Variants in EPG5 observed in about 807,000 individuals in gnomAD.
EPG5 encodes ectopic P-granules 5 autophagy tethering factor.
In EPG5, 159 loss-of-function variants were observed where a neutral mutation model predicts 302.7. The observed-to-expected ratio is 0.53, with a 90% CI of 0.46 to 0.60. The LOEUF (loss-of-function observed/expected upper bound fraction) is 0.60, where lower values mean the gene tolerates loss of function less well. Ranked by LOEUF, EPG5 falls within the 20% of genes least tolerant of loss-of-function variation. The probability of loss-of-function intolerance (pLI) is 0.00; values close to 1 mark genes in which losing one functional copy is unlikely to be tolerated. For synonymous variants in EPG5, 1,158 were observed against 1,136.8 expected (o/e 1.02, Z -0.37); for missense variants, 2,896 against 3,092.4 (o/e 0.94, Z 1.51).
intron 12 of EPG5, 38 bp from the exon 13 acceptor site, chr18:45,929,047 A>G (rs2050342002): frequency 1.3e-6 from 2 of 1,597,294 alleles, no homozygotes; most frequent in East Asian, 2.2e-5. Flanking sequence ...GGCACTTTTA[A>G]TATCAATTAG....
the EPG5 span, chr18:45,838,965 C>CGCTCCG: frequency 1.2e-6 from 2 of 1,603,956 alleles, no homozygotes; most frequent in South Asian, 2.2e-5. Flanking sequence ...GCTCCGAGGC[C>CGCTCCG]AGCGTCTACC....
intron 31 of EPG5, among the ~76,000 whole-genome samples, 196 bp downstream of exon 31, chr18:45,882,078 T>C (rs1002407512): frequency 6.6e-6 from 1 of 152,340 alleles, no homozygotes; most frequent in South Asian, 2.1e-4. Flanking sequence ...TTCTCAAATT[T>C]AGAACAATAA....
At chr18:45,895,957 A>G (rs2049461677) in intron 27 of EPG5, among the ~76,000 whole-genome samples, 1 of 152,228 alleles carries the variant, frequency 6.6e-6, no homozygotes, top group Admixed American at 6.5e-5. Context: ...TTTAAGTACA[A>G]TCTTTGGCCA....
rs762904160 is a variant in EPG5, at chr18:45,879,067, T to C, written c.5815A>G (p.Ile1939Val). Residue 1939 changes from isoleucine to valine, a missense_variant, in exon 33 of 44, where the codon ATT becomes GTT. Around this residue, in one of 5 missense-constraint regions of EPG5, gnomAD observed 790 missense variants for 798.0 expected, o/e 0.99. Coordinates refer to ENST00000282041, the MANE Select transcript of EPG5 (RefSeq NM_020964.3). ...GCCAAACAGGTCATTTCTAAGTCAA[T>C]CAGCCTTTTCACAAGGTAGCCCAAG... ...TFLGYLVKRL[I>V]DLEMTCLAQD... 1 of 1,614,160 alleles carries C rather than the reference T, an allele frequency of 6.2e-7. No homozygotes were observed. The highest frequency in any genetic ancestry group is 1.7e-5 in the Admixed American group (1 of 60,020).
intron 14 of EPG5, 54 bp downstream of exon 14, chr18:45,925,684 T>C: frequency 7.5e-7 from 1 of 1,339,548 alleles, no homozygotes; most frequent in Non-Finnish European, 9.8e-7. Context: ...AATCCTTCTT[T>C]GAAACAGATG....
In EPG5 at chr18:45,916,057, C is replaced by A; in HGVS notation, c.3534G>T (p.Gln1178His). ...TCTGTATGCAGTCTTCCTGCATCAGCTGAAAAGCTGCTTTACACAAGTGGT... is the reference window on the plus strand; with the variant it reads ...TCTGTATGCAGTCTTCCTGCATCAGATGAAAAGCTGCTTTACACAAGTGGT... ...LMDHLCKAAF[Q>H]LMQEDCIQKL... Residue 1178 changes from glutamine to histidine, a missense_variant, in exon 19 of 44, where the codon CAG (glutamine) becomes CAT (histidine). By Grantham distance (24) the Gln-to-His change is conservative (BLOSUM62 0). Around this residue, in one of 5 missense-constraint regions of EPG5, gnomAD observed 1,390 missense variants for 1,430.0 expected, o/e 0.97. Coordinates refer to ENST00000282041, the MANE Select transcript of EPG5 (RefSeq NM_020964.3). 4 of 1,613,878 alleles carry A rather than the reference C, an allele frequency of 2.5e-6. No individual in the cohort carries two copies. The highest frequency in any genetic ancestry group is 1.7e-5 in the Admixed American group (1 of 60,012).
At chr18:45,900,894 ATT>A in intron 26 of EPG5, 100 bp downstream of exon 26, 1 of 1,323,540 alleles carries the variant, frequency 7.6e-7, no homozygotes, top group Non-Finnish European at 1.0e-6. Context: ...AACTATCCTC[ATT>A]GTAAAAATGC....
At chr18:45,961,298 G>A (rs954248364) in intron 1 of EPG5, among the ~76,000 whole-genome samples, 2 of 152,194 alleles carry the variant, frequency 1.3e-5, no homozygotes, top group African/African-American at 4.8e-5. Flanking sequence ...ACCCTGTGTT[G>A]ATTCCATATG....
intron 2 of EPG5, among the ~76,000 whole-genome samples, chr18:45,952,846 A>G (rs1308025933): frequency 6.6e-6 from 1 of 152,164 alleles, no homozygotes; most frequent in Non-Finnish European, 1.5e-5. Context: ...TCACAAATAC[A>G]TCGCAAATTC....
At chr18:45,854,008 A>G (rs2048465205) in intron 43 of EPG5, among the ~76,000 whole-genome samples, 1 of 152,210 alleles carries the variant, frequency 6.6e-6, no homozygotes, top group African/African-American at 2.4e-5. Context: ...TCATCACTTT[A>G]AGTCCAAAGA....
At chr18:45,891,843 T>G (rs942347207) in intron 27 of EPG5, among the ~76,000 whole-genome samples, 1 of 152,220 alleles carries the variant, frequency 6.6e-6, no homozygotes, top group Non-Finnish European at 1.5e-5. Flanking sequence ...GTATCTGAAT[T>G]AAATTTGAAA....
At chr18:45,871,575 T>C (rs1478431535) in intron 35 of EPG5, among the ~76,000 whole-genome samples, 1 of 152,226 alleles carries the variant, frequency 6.6e-6, no homozygotes, top group African/African-American at 2.4e-5. Flanking sequence ...GTGGTGTATA[T>C]ACACAATGGA....
intron 25 of EPG5, among the ~76,000 whole-genome samples, chr18:45,901,649 T>G (rs75843242): frequency 0.037 from 5,702 of 152,236 alleles, 316 homozygotes; most frequent in African/African-American, 0.12. Context: ...ATAAAATGAA[T>G]GAAGACATAT....
intron 11 of EPG5, among the ~76,000 whole-genome samples, chr18:45,931,497 T>C (rs866131341): frequency 1.3e-5 from 2 of 152,254 alleles, no homozygotes; most frequent in East Asian, 1.9e-4. Flanking sequence ...GTAAACTACA[T>C]GCAAAGTTCT....
At position 45,939,604 on chromosome 18, in the gene EPG5, T is replaced by C. The variant is rs201671648; in HGVS notation, c.2095A>G (p.Lys699Glu). The change falls in exon 10 of 44, where the codon AAA becomes GAA. Residue 699 changes from lysine to glutamate, a missense_variant. Lys to Glu is a moderately conservative substitution (Grantham distance 56). Around this residue, in one of 5 missense-constraint regions of EPG5, gnomAD observed 1,390 missense variants for 1,430.0 expected, o/e 0.97. Coordinates refer to ENST00000282041, the MANE Select transcript of EPG5 (RefSeq NM_020964.3). ...ATCATCATATGTCTTACTTACCTTT[T>C]GGCCTTCAGCACATGTAGGACAGCC... is the stretch of plus-strand genomic sequence containing the variant. Reference protein sequence around the residue: ...LRAVLHVLKAKRLGIWLFMSE... With the variant: ...LRAVLHVLKAERLGIWLFMSE... The C allele has an allele frequency of 1.2e-6, 2 of 1,614,072 alleles. No individual in the cohort carries two copies. The highest frequency in any genetic ancestry group is 1.7e-6 in the Non-Finnish European group (2 of 1,179,986).
intron 9 of EPG5, among the ~76,000 whole-genome samples, chr18:45,942,643 T>C (rs1216761216): frequency 6.6e-6 from 1 of 152,110 alleles, no homozygotes; most frequent in East Asian, 1.9e-4. Flanking sequence ...AAAAGTAATT[T>C]TGTTTTGGAA....
intron 43 of EPG5, among the ~76,000 whole-genome samples, chr18:45,852,991 C>G (rs2048445657): frequency 6.6e-6 from 1 of 152,216 alleles, no homozygotes; most frequent in African/African-American, 2.4e-5. Context: ...ATTTCTAAAG[C>G]CTGCCTTGTC....
At chr18:45,915,706 T>C in intron 19 of EPG5, 85 bp from the exon 20 acceptor site, 1 of 986,576 alleles carries the variant, frequency 1.0e-6, no homozygotes, top group Non-Finnish European at 1.6e-6. Flanking sequence ...GCAACTGTCT[T>C]ACTACAATAC....
chr18:45,810,614 C>G, the EPG5 span, among the ~76,000 whole-genome samples: 193 of 152,250 alleles, frequency 1.3e-3, no homozygotes, highest in African/African-American at 4.5e-3. Flanking sequence ...AACCCTGTCT[C>G]TACTAAAAAT....
Sources: allele counts gnomAD v4.1 joint callset (sites outside exome capture counted in the v4.1 genomes callset), GRCh38; gene constraint gnomAD v4.1.1; regional missense constraint gnomAD v4.1.1; transcripts MANE v1.5; gene names NCBI Gene and HGNC (gene_info 2026-07-23, HGNC 2026-07-21).